The following PCDHGB4 variants were observed in gnomAD, a reference collection of about 807,000 sequenced individuals.
PCDHGB4 encodes the protein protocadherin gamma-B4.
In PCDHGB4, 38 loss-of-function variants were observed where a neutral mutation model predicts 60.5. That is an observed-to-expected ratio of 0.63 (90% CI 0.48 to 0.82). The LOEUF (loss-of-function observed/expected upper bound fraction) is 0.82, where lower values mean the gene tolerates loss of function less well. Ranked by LOEUF, PCDHGB4 falls within the 40% of genes least tolerant of loss-of-function variation. The pLI, the probability that PCDHGB4 is intolerant of heterozygous loss-of-function variation, is 0.00. For missense variants in PCDHGB4, 1,109 were observed against 1,209.6 expected (o/e 0.92, Z 1.23); for synonymous variants, 456 against 509.7 (o/e 0.89, Z 1.42).
chr5:141,485,357 C>T lies in PCDHGB4; in HGVS notation c.2398-9450C>T. ...GCTGGATACGGACAGTCTGTCAGCT[C>T]GCAGGCTGCAGGTCGCTGGAGAGGT... On this transcript the variant is annotated intron_variant, in intron 1 of 3. Transcript: ENST00000519479. The surrounding 1 kb of genome is among the most constrained non-coding windows in gnomAD (Gnocchi z 5.7). 1.2e-6 allele frequency: 2 copies of T among 1,614,084 alleles called. No individual in the cohort carries two copies. The highest frequency in any genetic ancestry group is 1.1e-5 in the South Asian group (1 of 91,070).
In PCDHGB4 at chr5:141,389,816, G is replaced by T. The variant is rs1359127304; in HGVS notation, c.1932G>T (p.Val644=). 4.3e-6 allele frequency: 7 copies of T among 1,613,776 alleles called. No homozygotes were observed. The highest frequency in any genetic ancestry group is 5.9e-6 in the Non-Finnish European group (7 of 1,179,896). Residue 644 remains valine, a synonymous_variant, in exon 1 of 4, where the codon GTG becomes GTT. Coordinates refer to ENST00000519479, the MANE Select transcript of PCDHGB4 (RefSeq NM_003736.4). ...DAVRQRLLVA[V]RDGGQPPLSA... Reference sequence around the variant, plus strand: ...TCCGCCAGCGCCTTCTGGTCGCCGTGCGTGACGGTGGACAGCCACCACTCT... The same window carrying T: ...TCCGCCAGCGCCTTCTGGTCGCCGTTCGTGACGGTGGACAGCCACCACTCT...
chr5:141,395,152 T>C (rs1324313583), intron 1 of PCDHGB4: 1 of 1,614,196 alleles, frequency 6.2e-7, no homozygotes, highest in African/African-American at 1.3e-5. Context: ...GACATGCTCA[T>C]CAGTCAGGAG....
In PCDHGB4 at chr5:141,490,378, G is replaced by A; in HGVS notation, c.2398-4429G>A. On this transcript the variant is annotated intron_variant, in intron 1 of 3. Transcript: ENST00000519479. The surrounding 1 kb of genome is among the most constrained non-coding windows in gnomAD (Gnocchi z 5.4). The stretch of plus-strand genomic sequence containing the variant: ...GTTTAATGTGCGAGACCGGGACTCA[G>A]GTAGAAATGGTGAAGTGAGCCTTGA... 1 of 1,614,214 alleles carries A rather than the reference G, an allele frequency of 6.2e-7. No homozygotes were observed. The highest frequency in any genetic ancestry group is 1.1e-5 in the South Asian group (1 of 91,086).
intron 3 of PCDHGB4, among the ~76,000 whole-genome samples, chr5:141,505,995 C>T (rs1041284805): frequency 5.3e-5 from 8 of 152,142 alleles, no homozygotes; most frequent in African/African-American, 1.4e-4. Flanking sequence ...CCTCTTTATG[C>T]GAGGCTCCTC....
chr5:141,399,627 CG>C (rs2093851448), intron 1 of PCDHGB4: 1 of 1,613,906 alleles, frequency 6.2e-7, no homozygotes, highest in Non-Finnish European at 8.5e-7. Context: ...TGGCCTCTTA[CG>C]TGTCCATGAG....
intron 1 of PCDHGB4, chr5:141,412,044 A>T (rs1403784619): frequency 6.6e-6 from 1 of 152,194 alleles, no homozygotes; most frequent in East Asian, 1.9e-4. Context: ...AAAGAAGTGA[A>T]CTTCTATACC....
intron 1 of PCDHGB4, chr5:141,398,796 C>G (rs765198482): frequency 8.1e-6 from 13 of 1,613,920 alleles, no homozygotes; most frequent in Middle Eastern, 1.6e-4. Context: ...CACCCCTAAG[C>G]GGCACCACTG....
At chr5:141,405,029 C>T in intron 1 of PCDHGB4, 1 of 1,613,976 alleles carries the variant, frequency 6.2e-7, no homozygotes, top group Non-Finnish European at 8.5e-7. Flanking sequence ...TACCCTCTAC[C>T]TCGTTGTGGC....
chr5:141,485,431 C>G lies in PCDHGB4; in HGVS notation c.2398-9376C>G, dbSNP rs1594481071. ...ATTTGGACAGCGGAGCCCTGCTCAT[C>G]AAGAACCCAATCGACCGAGAGGCAC... On this transcript the variant is annotated intron_variant, in intron 1 of 3. Coordinates refer to ENST00000519479, the MANE Select transcript of PCDHGB4 (RefSeq NM_003736.4). The surrounding 1 kb of genome is among the most constrained non-coding windows in gnomAD (Gnocchi z 5.7). 8.7e-6 allele frequency: 14 copies of G among 1,614,198 alleles called. No homozygotes were observed. Among genetic ancestry groups the G allele is most frequent in the Non-Finnish European group, 1.1e-5 (13 of 1,180,038 alleles).
chr5:141,395,364 A>G, intron 1 of PCDHGB4: 1 of 1,264,440 alleles, frequency 7.9e-7, no homozygotes, highest in Non-Finnish European at 1.1e-6. Flanking sequence ...TTTTGGGTTT[A>G]TTTTGGTGGT....
At chr5:141,418,621 C>G (rs765634746) in intron 1 of PCDHGB4, 2 of 1,613,916 alleles carry the variant, frequency 1.2e-6, no homozygotes, top group Non-Finnish European at 1.7e-6. Flanking sequence ...TTCGGGAAGA[C>G]GTGCCTCCAG....
At chr5:141,409,519 C>T in intron 1 of PCDHGB4, 1 of 1,614,040 alleles carries the variant, frequency 6.2e-7, no homozygotes, top group Non-Finnish European at 8.5e-7. Context: ...GAAGCATCAC[C>T]TTGTATGTCG....
At position 141,415,074 on chromosome 5, in the gene PCDHGB4, G is replaced by C; in HGVS notation, c.2397+24793G>C. 3 of 1,613,448 alleles carry C rather than the reference G, an allele frequency of 1.9e-6. No homozygotes were observed. In the South Asian group the frequency reaches 3.3e-5, roughly 18 times the overall value. On this transcript the variant is annotated intron_variant, in intron 1 of 3. Coordinates refer to ENST00000519479, the MANE Select transcript of PCDHGB4 (RefSeq NM_003736.4). ...AGCACACGGGCGAGGTGCGCACGGCGCGAGCCCTGCTGGACAGAGACGCGC... is the reference window on the plus strand; with the variant it reads ...AGCACACGGGCGAGGTGCGCACGGCCCGAGCCCTGCTGGACAGAGACGCGC...
intron 1 of PCDHGB4, chr5:141,423,750 T>TG (rs144521096): frequency 0.16 from 45,934 of 282,282 alleles, 1,791 homozygotes; most frequent in African/African-American, 0.37. Context: ...GAAAACTGTT[T>TG]GGGGGGGGGG....
At chr5:141,422,714 C>T (rs2096666670) in intron 1 of PCDHGB4, 1 of 1,603,720 alleles carries the variant, frequency 6.2e-7, no homozygotes, top group South Asian at 1.1e-5. Flanking sequence ...ACGGATGACA[C>T]TGTCCAGGGG....
At chr5:141,419,620 G>A (rs776986192) in intron 1 of PCDHGB4, 9 of 1,612,304 alleles carry the variant, frequency 5.6e-6, no homozygotes, top group Non-Finnish European at 7.6e-6. Context: ...CAGGCTACCT[G>A]GTGACCAAGG....
At chr5:141,404,176 A>C (rs763166170) in intron 1 of PCDHGB4, 2 of 1,613,206 alleles carry the variant, frequency 1.2e-6, no homozygotes, top group African/African-American at 2.7e-5. Context: ...TGACGGCCCA[A>C]ATTCTTGACC....
intron 1 of PCDHGB4, among the ~76,000 whole-genome samples, chr5:141,458,112 A>C (rs2098937913): frequency 6.6e-6 from 1 of 152,208 alleles, no homozygotes; most frequent in Non-Finnish European, 1.5e-5. Context: ...ATAGTCTCCA[A>C]ATTTTAGAGG....
intron 1 of PCDHGB4, chr5:141,422,123 C>A: frequency 6.2e-7 from 1 of 1,601,290 alleles, no homozygotes; most frequent in South Asian, 1.1e-5. Context: ...GATTCACAAA[C>A]TGGAGAAGTT....
Sources: gnomAD v4.1 joint callset for allele counts (sites outside exome capture counted in the v4.1 genomes callset) on GRCh38, gnomAD v4.1.1 for gene constraint, Gnocchi (gnomAD v3.1) non-coding constraint, MANE v1.5 for transcripts, NCBI Gene and HGNC (gene_info 2026-07-23, HGNC 2026-07-21) for gene names.